The following GCLC variants were observed in gnomAD, a reference collection of about 807,000 sequenced individuals.
GCLC encodes the protein glutamate--cysteine ligase catalytic subunit.
Under a neutral mutation model 81.5 loss-of-function variants are expected in GCLC, and 30 were observed. That is an observed-to-expected ratio of 0.37 (90% CI 0.28 to 0.50). The LOEUF is 0.50. GCLC is among the 20% of genes least tolerant of loss of function. The pLI is 0.96. For synonymous variants in GCLC, 262 were observed against 273.3 expected (o/e 0.96, Z 0.41); for missense variants, 556 against 777.4 (o/e 0.72, Z 3.39).
chr6:53,511,052 T>G (rs930609368), intron 6 of GCLC, among the ~76,000 whole-genome samples: 1 of 152,192 alleles, frequency 6.6e-6, no homozygotes, highest in Non-Finnish European at 1.5e-5. Context: ...AAATGGGAGC[T>G]GGTACCCAAA....
intron 6 of GCLC, among the ~76,000 whole-genome samples, chr6:53,511,717 A>G (rs993454071): frequency 2.1e-5 from 3 of 143,796 alleles, no homozygotes; most frequent in African/African-American, 7.5e-5. Context: ...CTATGAATAC[A>G]TGACTAATTT....
At chr6:53,517,222 G>A (rs1764894367) in intron 3 of GCLC, among the ~76,000 whole-genome samples, 1 of 143,190 alleles carries the variant, frequency 7.0e-6, no homozygotes, top group Admixed American at 7.1e-5. Flanking sequence ...GAGTAGCTGG[G>A]ATTACAGGCA....
At chr6:53,541,774 G>A (rs2127632083) in intron 1 of GCLC, among the ~76,000 whole-genome samples, 1 of 152,256 alleles carries the variant, frequency 6.6e-6, no homozygotes, top group Admixed American at 6.5e-5. Flanking sequence ...CAGAGTATTT[G>A]GAACAAGAAA....
chr6:53,509,227 T>G lies in GCLC; in HGVS notation c.777A>C (p.Ile259=), dbSNP rs1764685473. 6.2e-7 allele frequency: 1 copy of G among 1,606,650 alleles called. No homozygotes were observed. The highest frequency in any genetic ancestry group is 1.1e-5 in the South Asian group (1 of 90,950). Residue 259 remains isoleucine (I), a synonymous_variant, in exon 7 of 16, where the codon ATA becomes ATC. Coordinates refer to ENST00000650454, the MANE Select transcript of GCLC (RefSeq NM_001498.4). ...CLQVTFQACS[I]SEARYLYDQL... The stretch of plus-strand genomic sequence containing the variant: ...GATCATAAAGGTATCTGGCCTCAGA[T>G]ATACTGCAGGCTTGGAATGTCACCT...
chr6:53,511,735 T>C (rs1364081101), intron 6 of GCLC, among the ~76,000 whole-genome samples: 1 of 150,426 alleles, frequency 6.6e-6, no homozygotes, highest in Non-Finnish European at 1.5e-5. Flanking sequence ...TTTGGGCTTC[T>C]AGTGTCGTTT....
chr6:53,518,320 A>T (rs1441607906), intron 3 of GCLC, among the ~76,000 whole-genome samples: 1 of 152,040 alleles, frequency 6.6e-6, no homozygotes, highest in Admixed American at 6.5e-5. Context: ...GCACAATCTC[A>T]GCTCACTGCA....
At position 53,531,193 on chromosome 6, in the gene GCLC, C is replaced by T. The variant is rs528008661; in HGVS notation, c.151-8666G>A. Among the ~76,000 whole-genome samples, 3 of 152,276 alleles carry T rather than the reference C, an allele frequency of 2.0e-5. No homozygotes were observed. The East Asian group carries it at 5.8e-4, about 29-fold the overall frequency. ...CAGGGCAGTGATACACTGATTGACA[C>T]AGAATAGTGTCTTGTGTTTCTCAAA... On this transcript the variant is annotated intron_variant, in intron 1 of 15. Coordinates refer to ENST00000650454, the MANE Select transcript of GCLC (RefSeq NM_001498.4).
chr6:53,539,764 C>T (rs1330458076), intron 1 of GCLC, among the ~76,000 whole-genome samples: 2 of 152,188 alleles, frequency 1.3e-5, no homozygotes, highest in Non-Finnish European at 2.9e-5. Context: ...GGCACACCAT[C>T]CACCACACCC....
chr6:53,526,655 A>G (rs1268431121), intron 1 of GCLC, among the ~76,000 whole-genome samples: 8 of 151,926 alleles, frequency 5.3e-5, no homozygotes. Flanking sequence ...AAAATTAGCT[A>G]GGCATGCTGG....
intron 1 of GCLC, among the ~76,000 whole-genome samples, chr6:53,529,789 G>A (rs1341883579): frequency 2.0e-5 from 3 of 152,256 alleles, no homozygotes; most frequent in Non-Finnish European, 4.4e-5. Context: ...CTGCCCTGCA[G>A]TAGCCAGAGC....
rs769086054 is a variant in GCLC at position 53,544,528 on chromosome 6, G to T, written c.118C>A (p.Arg40=). The T allele has an allele frequency of 1.2e-6, 2 of 1,609,044 alleles. No individual in the cohort carries two copies. Among genetic ancestry groups the T allele is most frequent in the Non-Finnish European group, 1.7e-6 (2 of 1,179,634 alleles). ...FLHIYHAVKD[R]HKDVLKWGDE... is the part of the protein sequence containing the mutation. Reference sequence around the variant, plus strand: ...CCCCACTTGAGAACGTCCTTGTGCCGGTCCTTGACGGCGTGGTAGATGTGC... The same window carrying T: ...CCCCACTTGAGAACGTCCTTGTGCCTGTCCTTGACGGCGTGGTAGATGTGC... Residue 40 remains arginine (R), a synonymous_variant, in exon 1 of 16, where the codon CGG becomes AGG. Transcript: ENST00000650454.
intron 11 of GCLC, 133 bp from the exon 12 acceptor site, chr6:53,505,629 G>T: frequency 1.3e-6 from 1 of 744,964 alleles, no homozygotes; most frequent in Non-Finnish European, 2.4e-6. Context: ...GAAGCCCTTT[G>T]CCCACATCTA....
chr6:53,499,930 T>G (rs1764473454), intron 15 of GCLC, 115 bp downstream of exon 15: 1 of 768,856 alleles, frequency 1.3e-6, no homozygotes, highest in Non-Finnish European at 2.2e-6. Context: ...AATATAAAAA[T>G]GTGAAACTGT....
Position 53,544,794 on chromosome 6 carries a change from C to T in GCLC, c.-149G>A. 1 of 664,910 alleles carries T rather than the reference C, an allele frequency of 1.5e-6. No individual in the cohort carries two copies. Among genetic ancestry groups the T allele is most frequent in the Non-Finnish European group, 2.3e-6 (1 of 440,340 alleles). The allele number at this position is 664,910 out of a possible 1,614,324, so 41.2% of individuals were successfully genotyped here. Reference sequence around the variant, plus strand: ...GGCCGCAGTCGGCGGAGGGAGGGTCCTGCCCGCTCCGGCTCCCCGGCGGCG... The same window carrying T: ...GGCCGCAGTCGGCGGAGGGAGGGTCTTGCCCGCTCCGGCTCCCCGGCGGCG... On this transcript the variant is annotated 5_prime_UTR_variant, in exon 1 of 16. Coordinates refer to ENST00000650454, the MANE Select transcript of GCLC (RefSeq NM_001498.4).
intron 12 of GCLC, among the ~76,000 whole-genome samples, chr6:53,504,346 C>T (rs1318460540): frequency 6.6e-6 from 1 of 152,118 alleles, no homozygotes; most frequent in Admixed American, 6.5e-5. Flanking sequence ...CTGGGCCCAG[C>T]TTACTTCCTT....
rs1028652731 is a variant in GCLC at position 53,497,631 on chromosome 6, GTTGAC to G, written c.*1120_*1124del. 8.8e-5 allele frequency: 13 copies of G among 147,082 alleles called. No homozygotes were observed. Among genetic ancestry groups the G allele is most frequent in the Admixed American group, 4.3e-4 (6 of 13,968 alleles). The allele number at this position is 147,082 out of a possible 1,614,324, so 9.1% of individuals were successfully genotyped here. A position where few individuals can be genotyped will look rare whatever the true frequency, so the allele number is the denominator to read the frequency against. On this transcript the variant is annotated 3_prime_UTR_variant, in exon 16 of 16. Coordinates refer to ENST00000650454, the MANE Select transcript of GCLC (RefSeq NM_001498.4). ...ACAATACAGAGTTATTTCAGAAGCA[GTTGAC>G]TTAACTAGTTGAGAAAAAAAACAAC...
intron 6 of GCLC, among the ~76,000 whole-genome samples, chr6:53,510,654 G>T (rs913142455): frequency 6.6e-6 from 1 of 152,156 alleles, no homozygotes; most frequent in South Asian, 2.1e-4. Context: ...TAATTTCAGT[G>T]TTTAAGACTT....
At chr6:53,515,968 C>T in intron 4 of GCLC, 141 bp downstream of exon 4, 1 of 668,520 alleles carries the variant, frequency 1.5e-6, no homozygotes, top group South Asian at 1.5e-5. Flanking sequence ...AGGTGCACAT[C>T]TGCTATCTTC....
Position 53,544,863 on chromosome 6 carries a change from G to A in GCLC, c.-218C>T. 2.4e-6 allele frequency: 1 copy of A among 409,874 alleles called. No individual in the cohort carries two copies. The highest frequency in any genetic ancestry group is 4.3e-6 in the Non-Finnish European group (1 of 233,562). The allele number at this position is 409,874 out of a possible 1,614,324, so 25.4% of individuals were successfully genotyped here. ...ACAGACCCTGGGTCCGACGCACCGC[G>A]CGGAGGCGAAGGCAGAAGACCGAGA... On this transcript the variant is annotated 5_prime_UTR_variant, in exon 1 of 16. Coordinates refer to ENST00000650454, the MANE Select transcript of GCLC (RefSeq NM_001498.4).
Sources: gnomAD v4.1 joint callset for allele counts (sites outside exome capture counted in the v4.1 genomes callset) on GRCh38, gnomAD v4.1.1 for gene constraint, MANE v1.5 for transcripts, NCBI Gene and HGNC (gene_info 2026-07-23, HGNC 2026-07-21) for gene names.